The following CDH7 variants were observed in gnomAD, a reference collection of about 807,000 sequenced individuals.
CDH7 encodes cadherin 7.
CDH7 carries 25 observed loss-of-function variants against 71.8 expected under a neutral mutation model. That is an observed-to-expected ratio of 0.35 (90% CI 0.25 to 0.49). CDH7 has a LOEUF of 0.49. CDH7 is among the 20% of genes least tolerant of loss of function. The pLI is 0.99. For missense variants in CDH7, 862 were observed against 974.6 expected (o/e 0.88, Z 1.54); for synonymous variants, 381 against 363.8 (o/e 1.05, Z -0.54).
At position 65,841,861 on chromosome 18, in the gene CDH7, G is replaced by A. The variant is rs868222880; in HGVS notation, c.982-1951G>A. 5.9e-5 allele frequency among the ~76,000 whole-genome samples: 9 copies of A among 152,052 alleles called. No homozygotes were observed. In the Middle Eastern group the frequency reaches 0.01, roughly 172 times the overall value. The stretch of plus-strand genomic sequence containing the variant: ...TCATTCTCACCTTTTTTTGACCACC[G>A]TTGGACAAGACCGACTCTTAGATAA... On this transcript the variant is annotated intron_variant, in intron 6 of 11. Coordinates refer to ENST00000397968, the MANE Select transcript of CDH7 (RefSeq NM_004361.5).
intron 1 of CDH7, among the ~76,000 whole-genome samples, chr18:65,757,376 AC>A (rs1162827100): frequency 6.6e-6 from 1 of 151,936 alleles, no homozygotes; most frequent in African/African-American, 2.4e-5. Context: ...AGGGATTTTT[AC>A]CTCTTGTTTT....
Position 65,880,568 on chromosome 18 carries a change from C to T in CDH7, c.2032C>T (p.Arg678Ter), listed in dbSNP as rs751425143. Residue 678 changes from arginine to a stop codon, truncating the protein, a stop_gained, in exon 12 of 12, where the codon CGA (arginine) becomes TGA (stop). Coordinates refer to ENST00000397968, the MANE Select transcript of CDH7 (RefSeq NM_004361.5). LOFTEE classifies it high-confidence loss of function. The part of the protein sequence containing the change: ...MAALRNLNVI[R>*]DTKTRRDVTP... ...TGCACTGAGAAACCTCAACGTCATCCGAGACACCAAGACCCGGAGGGATGT... is the reference window on the plus strand; with the variant it reads ...TGCACTGAGAAACCTCAACGTCATCTGAGACACCAAGACCCGGAGGGATGT... 1.9e-6 allele frequency: 3 copies of T among 1,613,712 alleles called. No individual in the cohort carries two copies. Among genetic ancestry groups the T allele is most frequent in the East Asian group, 2.2e-5 (1 of 44,878 alleles).
At chr18:65,874,955 T>C (rs985600125) in intron 11 of CDH7, among the ~76,000 whole-genome samples, 8 of 152,148 alleles carry the variant, frequency 5.3e-5, no homozygotes, top group South Asian at 4.1e-4. Context: ...ACACTACACA[T>C]GCATGTGGAG....
intron 2 of CDH7, among the ~76,000 whole-genome samples, chr18:65,801,195 A>G (rs1040423039): frequency 6.6e-5 from 10 of 152,198 alleles, no homozygotes; most frequent in African/African-American, 2.4e-4. Context: ...GACATATAGT[A>G]GATAGTCCAT....
At chr18:65,753,329 A>G (rs1054795148) in intron 1 of CDH7, among the ~76,000 whole-genome samples, 1 of 152,346 alleles carries the variant, frequency 6.6e-6, no homozygotes, top group African/African-American at 2.4e-5. Context: ...AATTTATAAA[A>G]TACTAAACTC....
chr18:65,768,865 A>G (rs1916458675), intron 2 of CDH7, among the ~76,000 whole-genome samples: 1 of 152,184 alleles, frequency 6.6e-6, no homozygotes, highest in Non-Finnish European at 1.5e-5. Context: ...AACATGGTTA[A>G]CATTGTATCC....
chr18:65,879,283 G>A lies in CDH7; in HGVS notation c.1865-1118G>A, dbSNP rs115910966. On this transcript the variant is annotated intron_variant, in intron 11 of 11. Coordinates refer to ENST00000397968, the MANE Select transcript of CDH7 (RefSeq NM_004361.5). Reference sequence around the variant, plus strand: ...ACAAGATACTTTAAAAATATTTCACGCCTGCTTTTAAAAATATGATGACAA... The same window carrying A: ...ACAAGATACTTTAAAAATATTTCACACCTGCTTTTAAAAATATGATGACAA... Among the ~76,000 whole-genome samples the A allele has an allele frequency of 2.8e-3, 428 of 152,040 alleles. 2 individuals are homozygous for A. The highest frequency in any genetic ancestry group is 9.7e-3 in the African/African-American group (402 of 41,468).
intron 6 of CDH7, among the ~76,000 whole-genome samples, chr18:65,833,327 C>A (rs1321686655): frequency 6.6e-6 from 1 of 152,138 alleles, no homozygotes; most frequent in Admixed American, 6.6e-5. Flanking sequence ...ATATGTATTT[C>A]ATTTAGTATT....
Position 65,888,228 on chromosome 18 carries a change from A to C in CDH7, c.*7334A>C, listed in dbSNP as rs1029180308. The C allele has an allele frequency of 6.6e-6, 1 of 152,196 alleles. No homozygotes were observed. Among genetic ancestry groups the C allele is most frequent in the Non-Finnish European group, 1.5e-5 (1 of 68,036 alleles). The allele number at this position is 152,196 out of a possible 1,614,324, so 9.4% of individuals were successfully genotyped here. ...TGTTTCAGAACTAACCAGCGAAGAG[A>C]TGTATACAAAGTGTACTCTGAATTG... On this transcript the variant is annotated 3_prime_UTR_variant, in exon 12 of 12. Coordinates refer to ENST00000397968, the MANE Select transcript of CDH7 (RefSeq NM_004361.5).
intron 2 of CDH7, among the ~76,000 whole-genome samples, chr18:65,778,529 C>CTTTTTTTTTTTTTTTTTTTTTTTTTTTT (rs1156727313): frequency 7.1e-5 from 6 of 84,340 alleles, no homozygotes; most frequent in African/African-American, 1.3e-4. Flanking sequence ...GCGTCTCACT[C>CTTTTTTTTTTTTTTTTTTTTTTTTTTTT]TTTTTTTTTT....
intron 2 of CDH7, among the ~76,000 whole-genome samples, chr18:65,801,611 C>T (rs1474568020): frequency 6.6e-6 from 1 of 152,150 alleles, no homozygotes; most frequent in African/African-American, 2.4e-5. Context: ...GCTAAGTCAC[C>T]ATCTGTCCTC....
intron 1 of CDH7, among the ~76,000 whole-genome samples, chr18:65,757,006 A>G (rs141410974): frequency 1.9e-4 from 29 of 149,334 alleles, no homozygotes; most frequent in African/African-American, 6.4e-4. Flanking sequence ...AAGACTCGCA[A>G]TTTTGCTGAT....
At position 65,825,885 on chromosome 18, in the gene CDH7, T is replaced by C. The variant is rs564258392; in HGVS notation, c.981+1054T>C. Among the ~76,000 whole-genome samples the C allele has an allele frequency of 2.6e-5, 4 of 151,888 alleles. No homozygotes were observed. The East Asian group carries it at 7.7e-4, about 29-fold the overall frequency. On this transcript the variant is annotated intron_variant, in intron 6 of 11. Transcript: ENST00000397968. The stretch of plus-strand genomic sequence containing the variant: ...TGGTAAAATGTTTTGTTTTGTTGCC[T>C]AAATTAAAAGGAATTCAGTAAGGTA...
Position 65,763,043 on chromosome 18 carries a change from T to G in CDH7, c.201T>G (p.Tyr67Ter). Residue 67 changes from tyrosine (Y) to a stop codon, truncating the protein, a stop_gained, in exon 2 of 12, where the codon TAT (tyrosine) becomes TAG (stop). Coordinates refer to ENST00000397968, the MANE Select transcript of CDH7 (RefSeq NM_004361.5). LOFTEE classifies it high-confidence loss of function. ...AATACATGGGTTCAGACCCCCTCTA[T>G]GTAGGAAAGGTAGGGTATTGTGACC... ...LEEYMGSDPL[Y>*]VGKLHSDVDK... 1 of 1,608,958 alleles carries G rather than the reference T, an allele frequency of 6.2e-7. No individual in the cohort carries two copies. The highest frequency in any genetic ancestry group is 8.5e-7 in the Non-Finnish European group (1 of 1,176,510).
At chr18:65,774,657 C>T (rs1229742400) in intron 2 of CDH7, among the ~76,000 whole-genome samples, 1 of 151,980 alleles carries the variant, frequency 6.6e-6, no homozygotes, top group Non-Finnish European at 1.5e-5. Flanking sequence ...CAGCTACTCT[C>T]ATATCTCAGA....
chr18:65,866,825 T>G (rs1260631210), intron 11 of CDH7, among the ~76,000 whole-genome samples: 2 of 152,084 alleles, frequency 1.3e-5, no homozygotes, highest in African/African-American at 4.8e-5. Context: ...TCTTGCTCTC[T>G]CTCTAATTTA....
rs985640385 is a variant in CDH7, at chr18:65,882,130, A to G, written c.*1236A>G. On this transcript the variant is annotated 3_prime_UTR_variant, in exon 12 of 12. Coordinates refer to ENST00000397968, the MANE Select transcript of CDH7 (RefSeq NM_004361.5). ...GTCTTAATATAATGTTATAAAAATT[A>G]AAATCCATCTTTAAATTCTGATGCA... 6.6e-6 allele frequency: 1 copy of G among 152,182 alleles called. No individual in the cohort carries two copies. Among genetic ancestry groups the G allele is most frequent in the Non-Finnish European group, 1.5e-5 (1 of 68,002 alleles). 9.4% of individuals were successfully genotyped at this position (152,182 alleles called of 1,614,324 possible).
At chr18:65,796,695 C>T (rs894716140) in intron 2 of CDH7, among the ~76,000 whole-genome samples, 58 of 152,086 alleles carry the variant, frequency 3.8e-4, no homozygotes, top group African/African-American at 1.2e-3. Flanking sequence ...CACAAGGGCA[C>T]GAGACCCCGA....
At chr18:65,775,317 G>T (rs910626554) in intron 2 of CDH7, among the ~76,000 whole-genome samples, 1 of 152,072 alleles carries the variant, frequency 6.6e-6, no homozygotes, top group East Asian at 1.9e-4. Context: ...GCTTTTCTCC[G>T]CTTAATTTCT....
Sources: allele counts gnomAD v4.1 joint callset (sites outside exome capture counted in the v4.1 genomes callset), GRCh38; gene constraint gnomAD v4.1.1; transcripts MANE v1.5; gene names NCBI Gene and HGNC (gene_info 2026-07-23, HGNC 2026-07-21).